The following PIEZO2 variants were observed in gnomAD, a reference collection of about 807,000 sequenced individuals.
PIEZO2 encodes the protein piezo-type mechanosensitive ion channel component 2.
A neutral mutation model predicts 337.3 loss-of-function variants in PIEZO2; 172 were observed. The observed-to-expected ratio is 0.51, with a 90% CI of 0.45 to 0.58. The LOEUF is 0.58. PIEZO2 is among the 20% of genes least tolerant of loss of function. PIEZO2 has a pLI of 0.00. For synonymous variants in PIEZO2, 1,251 were observed against 1,228.5 expected, an observed-to-expected ratio of 1.02 and a Z score of -0.38; for missense variants, 3,028 against 3,391.3, an observed-to-expected ratio of 0.89 and a Z score of 2.66.
chr18:10,749,463 TA>T (rs1229337864), intron 29 of PIEZO2, among the ~76,000 whole-genome samples: 1 of 149,022 alleles, frequency 6.7e-6, no homozygotes, highest in Non-Finnish European at 1.5e-5. Flanking sequence ...TGTCTTGAAA[TA>T]TTTTTTTAAA....
In PIEZO2 at chr18:10,837,396, T is replaced by C. The variant is rs1240153892; in HGVS notation, c.917+17957A>G. 6.6e-6 allele frequency among the ~76,000 whole-genome samples: 1 copy of C among 152,198 alleles called. No individual in the cohort carries two copies. Among genetic ancestry groups the C allele is most frequent in the Non-Finnish European group, 1.5e-5 (1 of 68,032 alleles). ...GCCATCTTGCCTCTCTCACCTTCCA[T>C]ACCACAGTGCTGATCCAGGTACCTG... On this transcript the variant is annotated intron_variant, in intron 7 of 55. Transcript: ENST00000674853. The surrounding 1 kb of genome is among the most constrained non-coding windows in gnomAD (Gnocchi z 4.4).
chr18:10,981,854 C>T (rs929295117), intron 2 of PIEZO2, among the ~76,000 whole-genome samples: 3 of 152,294 alleles, frequency 2.0e-5, no homozygotes, highest in East Asian at 1.9e-4. Flanking sequence ...TGCCCTTGAA[C>T]ATTAGTCTCC....
At chr18:11,134,776 C>T (rs2040434177) in intron 1 of PIEZO2, among the ~76,000 whole-genome samples, 1 of 152,136 alleles carries the variant, frequency 6.6e-6, no homozygotes, top group South Asian at 2.1e-4. Flanking sequence ...CAGTATCTCA[C>T]TGTCATAAAT....
At chr18:11,017,906 C>T (rs2660263) in intron 2 of PIEZO2, among the ~76,000 whole-genome samples, 78,359 of 151,882 alleles carry the variant, frequency 0.52, 20,394 homozygotes, top group African/African-American at 0.56. Flanking sequence ...GGTGGGAGGA[C>T]AGCTTGAGCT....
intron 49 of PIEZO2, among the ~76,000 whole-genome samples, chr18:10,688,952 G>A (rs536159196): frequency 7.2e-4 from 109 of 152,266 alleles, no homozygotes; most frequent in African/African-American, 2.5e-3. Flanking sequence ...TAAACAGAGA[G>A]CACAGTACAA....
At chr18:10,811,319 G>A (rs2865134) in intron 7 of PIEZO2, among the ~76,000 whole-genome samples, 1 of 151,986 alleles carries the variant, frequency 6.6e-6, no homozygotes, top group Non-Finnish European at 1.5e-5. Flanking sequence ...TTTAGTTTAC[G>A]TGCTTGTTTT....
intron 2 of PIEZO2, among the ~76,000 whole-genome samples, chr18:10,995,866 C>CT (rs1405114873): frequency 2.0e-5 from 3 of 152,126 alleles, no homozygotes; most frequent in Non-Finnish European, 4.4e-5. Context: ...TCAGGGCATA[C>CT]TGCTCACATG....
In PIEZO2 at chr18:10,698,988, G is replaced by T; in HGVS notation, c.6631C>A (p.Arg2211Ser). Residue 2211 changes from arginine (R) to serine (S), a missense_variant, in exon 44 of 56, where the codon CGC becomes AGC. By Grantham distance (110) the Arg-to-Ser change is moderately radical. This residue lies in a region of PIEZO2 where 1,925 missense variants were observed against 2,051.9 expected (regional missense o/e 0.94). Coordinates refer to ENST00000674853, the MANE Select transcript of PIEZO2 (RefSeq NM_001378183.1). The part of the protein sequence containing the change: ...PEQQTAVRRK[R>S]SGSSSEPSQR... Reference sequence around the variant, plus strand: ...GATGGCTCGGAGCTGCTGCCGGAGCGCTTCCTCCGGACAGCTGTCTGCTGC... The same window carrying T: ...GATGGCTCGGAGCTGCTGCCGGAGCTCTTCCTCCGGACAGCTGTCTGCTGC... The T allele has an allele frequency of 1.3e-6, 2 of 1,536,938 alleles. No homozygotes were observed. The highest frequency in any genetic ancestry group is 8.7e-7 in the Non-Finnish European group (1 of 1,146,910).
chr18:10,883,235 T>C (rs2042474269), intron 4 of PIEZO2, among the ~76,000 whole-genome samples: 1 of 152,150 alleles, frequency 6.6e-6, no homozygotes, highest in African/African-American at 2.4e-5. Flanking sequence ...CAAGGGAGTA[T>C]AAATATCTCC....
At chr18:11,103,056 G>A (rs1406856238) in intron 1 of PIEZO2, among the ~76,000 whole-genome samples, 2 of 152,102 alleles carry the variant, frequency 1.3e-5, no homozygotes, top group Admixed American at 6.6e-5. Context: ...TATTTGTGGA[G>A]GGGTTTGAGA....
rs1226217712 is a variant in PIEZO2, at chr18:11,016,296, G to C, written c.161-36636C>G. On this transcript the variant is annotated intron_variant, in intron 2 of 55. Coordinates refer to ENST00000674853, the MANE Select transcript of PIEZO2 (RefSeq NM_001378183.1). The surrounding 1 kb of genome is among the most constrained non-coding windows in gnomAD (Gnocchi z 5.6). ...GGGATGACTGTGGGCAGAATCACAG[G>C]AGAGACACAGAATGTGGCGGTAGAG... 6.6e-6 allele frequency among the ~76,000 whole-genome samples: 1 copy of C among 152,198 alleles called. No homozygotes were observed. Among genetic ancestry groups the C allele is most frequent in the Non-Finnish European group, 1.5e-5 (1 of 68,034 alleles).
At chr18:10,688,510 G>T (rs563560151) in intron 49 of PIEZO2, among the ~76,000 whole-genome samples, 1 of 152,226 alleles carries the variant, frequency 6.6e-6, no homozygotes, top group East Asian at 1.9e-4. Context: ...GGTTTCATAA[G>T]TCCCCTGTGT....
chr18:11,023,994 C>T (rs1000296459), intron 2 of PIEZO2, among the ~76,000 whole-genome samples: 2 of 152,180 alleles, frequency 1.3e-5, no homozygotes, highest in Non-Finnish European at 2.9e-5. Flanking sequence ...CCCGCAAGCC[C>T]CACGCGCAGC....
rs1254286657 is a variant in PIEZO2, at chr18:10,676,473, T to C, written c.8082-1185A>G. Among the ~76,000 whole-genome samples, 1 of 152,186 alleles carries C rather than the reference T, an allele frequency of 6.6e-6. No individual in the cohort carries two copies. The highest frequency in any genetic ancestry group is 1.5e-5 in the Non-Finnish European group (1 of 68,030). On this transcript the variant is annotated intron_variant, in intron 53 of 55. Coordinates refer to ENST00000674853, the MANE Select transcript of PIEZO2 (RefSeq NM_001378183.1). This position sits in a 1 kb window ranked among gnomAD's most constrained non-coding sequence, Gnocchi z 5.1. ...CAGCTTTCATCTGTTGGAAGTGGAG[T>C]ACTTAAGTGGCAGGATAGTATTTTG...
chr18:10,795,024 A>G lies in PIEZO2; in HGVS notation c.1528-22T>C. On this transcript the variant is annotated intron_variant, in intron 12 of 55. Transcript: ENST00000674853. This position sits in a 1 kb window ranked among gnomAD's most constrained non-coding sequence, Gnocchi z 4.4. ...AGGCCTCCGGAGGACAGAAAAGGAAACACGACCATGGTCAATACAATGCTC... is the reference window on the plus strand; with the variant it reads ...AGGCCTCCGGAGGACAGAAAAGGAAGCACGACCATGGTCAATACAATGCTC... 6.5e-7 allele frequency: 1 copy of G among 1,535,064 alleles called. No homozygotes were observed. The highest frequency in any genetic ancestry group is 8.8e-7 in the Non-Finnish European group (1 of 1,137,756).
chr18:10,691,214 G>A lies in PIEZO2; in HGVS notation c.7349+11C>T. On this transcript the variant is annotated intron_variant, in intron 48 of 55. Transcript: ENST00000674853. ...CCCCATAAGTGACTGTGACGTTGCA[G>A]AGCGTCCTACCCTTGGAATAAGAAG... 1.2e-6 allele frequency: 2 copies of A among 1,610,480 alleles called. No individual in the cohort carries two copies. The highest frequency in any genetic ancestry group is 1.7e-6 in the Non-Finnish European group (2 of 1,178,604).
chr18:11,063,701 A>G (rs1277240877), intron 2 of PIEZO2, among the ~76,000 whole-genome samples: 1 of 152,208 alleles, frequency 6.6e-6, no homozygotes, highest in East Asian at 1.9e-4. Context: ...CCTAAGGCTG[A>G]TTCAAACTTA....
chr18:11,050,792 C>CTATATATATATATATATATTATATA (rs528083260), intron 2 of PIEZO2, among the ~76,000 whole-genome samples: 2 of 143,766 alleles, frequency 1.4e-5, no homozygotes, highest in African/African-American at 5.2e-5. Context: ...TCCTAAAAAA[C>CTATATATATATATATATATTATATA]TATATATATA....
At chr18:10,741,906 C>T (rs190275640) in intron 32 of PIEZO2, among the ~76,000 whole-genome samples, 9 of 152,184 alleles carry the variant, frequency 5.9e-5, no homozygotes, top group African/African-American at 2.2e-4. Context: ...GTAATCCCAG[C>T]ACTTTGGGAG....
Sources: allele counts gnomAD v4.1 joint callset (sites outside exome capture counted in the v4.1 genomes callset), GRCh38; gene constraint gnomAD v4.1.1; regional missense constraint gnomAD v4.1.1; non-coding constraint Gnocchi (gnomAD v3.1); transcripts MANE v1.5; gene names NCBI Gene and HGNC (gene_info 2026-07-23, HGNC 2026-07-21).